DIPK1A: variants seen among roughly 807,000 people sequenced by gnomAD.
DIPK1A encodes the protein divergent protein kinase domain 1A, also known as family with sequence similarity 69 member A.
In DIPK1A, 27 loss-of-function variants were observed where a neutral mutation model predicts 40.8. The observed-to-expected ratio is 0.66, with a 90% confidence interval of 0.49 to 0.91. DIPK1A has a LOEUF of 0.91. Ranked by LOEUF, DIPK1A falls within the 40% of genes least tolerant of loss-of-function variation. The probability of loss-of-function intolerance (pLI) is 0.00; values close to 1 mark genes in which losing one functional copy is unlikely to be tolerated. For missense variants in DIPK1A, 412 were observed against 505.7 expected, an observed-to-expected ratio of 0.81 and a Z score of 1.78; for synonymous variants, 166 against 171.3, an observed-to-expected ratio of 0.97 and a Z score of 0.24.
chr1:92,843,497 A>T lies in DIPK1A; in HGVS notation c.1173T>A (p.Tyr391Ter). 2 of 1,551,820 alleles carry T rather than the reference A, an allele frequency of 1.3e-6. No homozygotes were observed. Among genetic ancestry groups the T allele is most frequent in the Non-Finnish European group, 8.7e-7 (1 of 1,147,016 alleles). Residue 391 changes from tyrosine to a stop codon, truncating the protein, a stop_gained, in exon 5 of 5, where the codon TAT (tyrosine) becomes TAA (stop). Transcript: ENST00000370310. LOFTEE classifies it high-confidence loss of function. ...EIREELEKQL[Y>*]SCIALKVTAN... ...CTGTGACTTTGAGAGCAATACAAGA[A>T]TAAAGCTGCTTTTCTAATTCTTCAC... is the stretch of plus-strand genomic sequence containing the variant.
chr1:92,836,142 A>G, intron 4 of DIPK1A: 1 of 1,527,038 alleles, frequency 6.5e-7, no homozygotes, highest in Non-Finnish European at 9.1e-7. Flanking sequence ...TTAATTTTAG[A>G]GCAGTTTGAA....
intron 1 of DIPK1A, among the ~76,000 whole-genome samples, chr1:92,913,196 G>C (rs886400180): frequency 2.0e-5 from 3 of 152,152 alleles, no homozygotes; most frequent in African/African-American, 7.2e-5. Context: ...CCAAGATGAG[G>C]TGTTAGCTTT....
chr1:92,911,680 G>A (rs1162265293), intron 1 of DIPK1A, among the ~76,000 whole-genome samples: 1 of 152,096 alleles, frequency 6.6e-6, no homozygotes, highest in Non-Finnish European at 1.5e-5. Context: ...TAAATGCTCA[G>A]GAGTATAATT....
intron 1 of DIPK1A, among the ~76,000 whole-genome samples, chr1:92,893,392 CA>C (rs1299355149): frequency 6.6e-6 from 1 of 151,700 alleles, no homozygotes; most frequent in Admixed American, 6.6e-5. Context: ...ATTTCATATC[CA>C]GCCAAACTAA....
At chr1:92,939,687 C>G (rs950399050) in intron 1 of DIPK1A, among the ~76,000 whole-genome samples, 1 of 152,156 alleles carries the variant, frequency 6.6e-6, no homozygotes, top group African/African-American at 2.4e-5. Flanking sequence ...GAAGCAGTAG[C>G]TCATGCTTGT....
intron 4 of DIPK1A, chr1:92,837,062 A>G: frequency 3.1e-6 from 1 of 325,738 alleles, no homozygotes; most frequent in Non-Finnish European, 5.9e-6. Context: ...TTGCAAGTAC[A>G]CCAAGAGCAT....
chr1:92,914,497 C>T (rs778924925), intron 1 of DIPK1A, among the ~76,000 whole-genome samples: 3 of 152,078 alleles, frequency 2.0e-5, no homozygotes, highest in Non-Finnish European at 4.4e-5. Flanking sequence ...CGGCCAGGCA[C>T]GGTGGCTCTC....
chr1:92,901,699 A>C (rs1649418092), intron 1 of DIPK1A, among the ~76,000 whole-genome samples: 1 of 152,092 alleles, frequency 6.6e-6, no homozygotes, highest in African/African-American at 2.4e-5. Context: ...AGTAACTCAG[A>C]TTCTGTGATG....
intron 1 of DIPK1A, among the ~76,000 whole-genome samples, chr1:92,897,747 T>A (rs1171763709): frequency 6.6e-6 from 1 of 151,588 alleles, no homozygotes; most frequent in African/African-American, 2.4e-5. Context: ...ATATCAGAAG[T>A]TCCTTTTTTT....
rs146524542 is a variant in DIPK1A, at chr1:92,956,770, A to C, written c.54+4606T>G. On this transcript the variant is annotated intron_variant, in intron 1 of 4. Coordinates refer to ENST00000370310, the MANE Select transcript of DIPK1A (RefSeq NM_001006605.5). The stretch of plus-strand genomic sequence containing the variant: ...AAGTGCCAGGTATCAGAAATGTTAA[A>C]CAAGTGCAAACACCCTAGCTAGAAC... Among the ~76,000 whole-genome samples, 106 of 152,338 alleles carry C rather than the reference A, an allele frequency of 7.0e-4. 1 individual carries two copies. Among genetic ancestry groups the C allele is most frequent in the Non-Finnish European group, 1.2e-3 (82 of 68,032 alleles).
chr1:92,910,990 C>A (rs1265961407), intron 1 of DIPK1A, among the ~76,000 whole-genome samples: 1 of 152,136 alleles, frequency 6.6e-6, no homozygotes, highest in African/African-American at 2.4e-5. Flanking sequence ...CATTCCCTGG[C>A]AACCGTTAAT....
At chr1:92,849,247 TTTTG>T (rs889939317) in intron 3 of DIPK1A, among the ~76,000 whole-genome samples, 8 of 152,226 alleles carry the variant, frequency 5.3e-5, no homozygotes, top group African/African-American at 1.4e-4. Flanking sequence ...TCTACAATTA[TTTTG>T]TTTGTTTATT....
chr1:92,850,224 C>A (rs1354713247), intron 3 of DIPK1A, among the ~76,000 whole-genome samples: 1 of 152,148 alleles, frequency 6.6e-6, no homozygotes, highest in Admixed American at 6.5e-5. Flanking sequence ...CCCATCTCAG[C>A]CTCCCAAAGT....
chr1:92,867,437 A>C (rs1291001621), intron 2 of DIPK1A, among the ~76,000 whole-genome samples: 2 of 152,192 alleles, frequency 1.3e-5, no homozygotes, highest in Non-Finnish European at 2.9e-5. Flanking sequence ...AAAAAGACAG[A>C]GGCATGCAGA....
chr1:92,853,594 C>T (rs1300632971), intron 2 of DIPK1A, among the ~76,000 whole-genome samples: 8 of 152,322 alleles, frequency 5.3e-5, no homozygotes, highest in African/African-American at 1.9e-4. Context: ...TCTTAATTTA[C>T]AGCATCCTTA....
chr1:92,912,780 C>T (rs1649880900), intron 1 of DIPK1A, among the ~76,000 whole-genome samples: 1 of 152,054 alleles, frequency 6.6e-6, no homozygotes, highest in African/African-American at 2.4e-5. Flanking sequence ...ATTAGACTAC[C>T]AGCCACAACA....
At chr1:92,871,196 G>A (rs539408918) in intron 2 of DIPK1A, among the ~76,000 whole-genome samples, 43 of 151,122 alleles carry the variant, frequency 2.8e-4, no homozygotes, top group Non-Finnish European at 2.2e-4. Context: ...ACTAAGTTTC[G>A]CTCTTGTTGA....
intron 1 of DIPK1A, among the ~76,000 whole-genome samples, chr1:92,887,874 A>C (rs548676162): frequency 6.6e-6 from 1 of 152,254 alleles, no homozygotes; most frequent in South Asian, 2.1e-4. Flanking sequence ...GTCTGGCTTC[A>C]GAGCCTGCAC....
Position 92,911,099 on chromosome 1 carries a change from G to A in DIPK1A, c.55-34669C>T, listed in dbSNP as rs185044889. 1.3e-3 allele frequency among the ~76,000 whole-genome samples: 201 copies of A among 152,250 alleles called. 1 individual carries two copies. The highest frequency in any genetic ancestry group is 4.7e-3 in the African/African-American group (194 of 41,528). On this transcript the variant is annotated intron_variant, in intron 1 of 4. Transcript: ENST00000370310. Reference sequence around the variant, plus strand: ...TTTTTTTCGGCAAGCATAATTCCCTGGAGATTCATTCAAGTTGTTGTATGC... The same window carrying A: ...TTTTTTTCGGCAAGCATAATTCCCTAGAGATTCATTCAAGTTGTTGTATGC...
Sources: allele counts gnomAD v4.1 joint callset (sites outside exome capture counted in the v4.1 genomes callset), GRCh38; gene constraint gnomAD v4.1.1; transcripts MANE v1.5; gene names NCBI Gene and HGNC (gene_info 2026-07-23, HGNC 2026-07-21).